The following VPS8 variants were observed in gnomAD, a reference collection of about 807,000 sequenced individuals.
VPS8 encodes vacuolar protein sorting-associated protein 8 homolog.
A neutral mutation model predicts 216.4 loss-of-function variants in VPS8; 129 were observed. The ratio of observed to expected loss-of-function variants is 0.60; its 90% confidence interval spans 0.52 to 0.69. VPS8 has a LOEUF of 0.69. Ranked by LOEUF, VPS8 falls within the 30% of genes least tolerant of loss-of-function variation. The probability of loss-of-function intolerance (pLI) is 0.00; values close to 1 mark genes in which losing one functional copy is unlikely to be tolerated. For synonymous variants in VPS8, 571 were observed against 565.4 expected (o/e 1.01, Z -0.14); for missense variants, 1,531 against 1,683.5 (o/e 0.91, Z 1.59).
At chr3:184,858,465 A>G (rs1053359991) in intron 14 of VPS8, among the ~76,000 whole-genome samples, 2 of 152,202 alleles carry the variant, frequency 1.3e-5, no homozygotes, top group African/African-American at 4.8e-5. Context: ...AATCATGCCA[A>G]TGCAGTCTTT....
At chr3:184,921,902 G>C (rs1190557150) in intron 29 of VPS8, among the ~76,000 whole-genome samples, 1 of 152,094 alleles carries the variant, frequency 6.6e-6, no homozygotes, top group Non-Finnish European at 1.5e-5. Context: ...GGGAAGACTA[G>C]ATGTTGGAGC....
intron 25 of VPS8, among the ~76,000 whole-genome samples, chr3:184,906,712 G>A (rs1301621936): frequency 1.3e-5 from 2 of 152,132 alleles, no homozygotes; most frequent in African/African-American, 2.4e-5. Context: ...AACTTGTAAA[G>A]GATCCTCTTT....
chr3:184,858,152 A>G (rs543768069), intron 14 of VPS8, among the ~76,000 whole-genome samples: 1 of 152,232 alleles, frequency 6.6e-6, no homozygotes, highest in East Asian at 1.9e-4. Flanking sequence ...TGTGCTTTAT[A>G]TTTCTTCAGT....
chr3:185,051,423 T>G (rs1206531888), intron 47 of VPS8, among the ~76,000 whole-genome samples: 1 of 152,024 alleles, frequency 6.6e-6, no homozygotes, highest in Non-Finnish European at 1.5e-5. Context: ...GAGCCAGTGG[T>G]CATAATTAGT....
chr3:185,015,475 T>C (rs139135639), intron 45 of VPS8, among the ~76,000 whole-genome samples: 1,655 of 152,306 alleles, frequency 0.011, 32 homozygotes, highest in African/African-American at 0.037. Flanking sequence ...AATACCTCAA[T>C]TACAGCTACA....
At chr3:184,885,496 A>C (rs1046262522) in intron 21 of VPS8, among the ~76,000 whole-genome samples, 1 of 152,250 alleles carries the variant, frequency 6.6e-6, no homozygotes, top group African/African-American at 2.4e-5. Context: ...GAAACTGAGA[A>C]GTTAAATCAA....
At chr3:184,997,697 A>T (rs1475202978) in intron 44 of VPS8, among the ~76,000 whole-genome samples, 1 of 152,210 alleles carries the variant, frequency 6.6e-6, no homozygotes, top group Non-Finnish European at 1.5e-5. Context: ...TGGGGGAAAA[A>T]ATGTTAAAGG....
intron 43 of VPS8, 78 bp downstream of exon 43, chr3:184,994,141 T>TA (rs1752299612): frequency 3.9e-4 from 404 of 1,039,468 alleles, no homozygotes; most frequent in Middle Eastern, 7.3e-4. Flanking sequence ...TACCTATACT[T>TA]AAAAAAAAAT....
chr3:184,943,356 G>A (rs1236507171), intron 36 of VPS8, among the ~76,000 whole-genome samples: 4 of 152,184 alleles, frequency 2.6e-5, no homozygotes, highest in African/African-American at 9.7e-5. Flanking sequence ...ACATGGATTG[G>A]TTTATATTAG....
At chr3:185,021,019 C>G (rs1239774555) in intron 45 of VPS8, among the ~76,000 whole-genome samples, 1 of 152,178 alleles carries the variant, frequency 6.6e-6, no homozygotes, top group Non-Finnish European at 1.5e-5. Context: ...TTGCAGTGAG[C>G]TGAGATCGTG....
chr3:185,051,297 A>C (rs6782830), intron 47 of VPS8, among the ~76,000 whole-genome samples: 2 of 151,644 alleles, frequency 1.3e-5, no homozygotes, highest in African/African-American at 4.8e-5. Context: ...GCTGGGAGCA[A>C]AGAGGACTCA....
intron 42 of VPS8, among the ~76,000 whole-genome samples, chr3:184,986,282 A>C (rs1226828100): frequency 1.3e-5 from 2 of 152,216 alleles, no homozygotes; most frequent in African/African-American, 2.4e-5. Flanking sequence ...GAAAGTTACA[A>C]GTTTTTTAAG....
chr3:184,983,329 G>A (rs193104980), intron 42 of VPS8, among the ~76,000 whole-genome samples: 23 of 152,162 alleles, frequency 1.5e-4, no homozygotes, highest in South Asian at 1.5e-3. Flanking sequence ...TAGGGCGTGC[G>A]GCCTTCAGAT....
In VPS8 at chr3:184,969,901, C is replaced by CTTT. The variant is rs755680287; in HGVS notation, c.3317-1724_3317-1722dup. On this transcript the variant is annotated intron_variant, in intron 39 of 47. Transcript: ENST00000625842. The stretch of plus-strand genomic sequence containing the variant: ...CTCATGCCTGCCATCTACTTTCTTA[C>CTTT]TTTTTTTTTTTTTTTTTTTTTTTTT... 9.5e-4 allele frequency among the ~76,000 whole-genome samples: 105 copies of CTTT among 110,228 alleles called. 8 individuals carry two copies. Among genetic ancestry groups the CTTT allele is most frequent in the African/African-American group, 2.9e-3 (78 of 27,316 alleles). 72.3% of individuals were successfully genotyped at this position (110,228 alleles called of 152,430 possible). A position where few individuals can be genotyped will look rare whatever the true frequency, so the allele number is the denominator to read the frequency against.
At position 185,042,261 on chromosome 3, in the gene VPS8, A is replaced by G. The variant is rs1711825904; in HGVS notation, c.4057-6218A>G. ...AGACTTTTGAGGTTTTTTTCTGGCA[A>G]GCTATTACTATTAAATCAGCCACGT... On this transcript the variant is annotated intron_variant, in intron 46 of 47. Coordinates refer to ENST00000625842, the MANE Select transcript of VPS8 (RefSeq NM_001009921.3). Among the ~76,000 whole-genome samples, 6 of 152,270 alleles carry G rather than the reference A, an allele frequency of 3.9e-5. No homozygotes were observed. The South Asian group carries it at 1.2e-3, about 32-fold the overall frequency.
chr3:185,032,866 A>T (rs1216582456), intron 46 of VPS8, among the ~76,000 whole-genome samples: 1 of 152,120 alleles, frequency 6.6e-6, no homozygotes, highest in Non-Finnish European at 1.5e-5. Context: ...ACGGGGTTTC[A>T]CCGAGTTAGC....
intron 10 of VPS8, among the ~76,000 whole-genome samples, chr3:184,850,616 G>A (rs558496430): frequency 6.6e-6 from 1 of 152,278 alleles, no homozygotes; most frequent in South Asian, 2.1e-4. Flanking sequence ...TTAGGTAACA[G>A]ATTTCATTTA....
chr3:184,873,797 A>G (rs1382290281), intron 21 of VPS8, among the ~76,000 whole-genome samples: 1 of 152,188 alleles, frequency 6.6e-6, no homozygotes, highest in Non-Finnish European at 1.5e-5. Context: ...GACCCAGTAG[A>G]ATTATAACCC....
Position 184,889,861 on chromosome 3 carries a change from G to T in VPS8, c.1781+3705G>T, listed in dbSNP as rs752753887. On this transcript the variant is annotated intron_variant, in intron 22 of 47. Coordinates refer to ENST00000625842, the MANE Select transcript of VPS8 (RefSeq NM_001009921.3). ...ATATGGGCCTGAACTTAGAAGGAAA[G>T]ATTGAATAAGCCGTTTGATCAACTT... Among the ~76,000 whole-genome samples, 37 of 152,262 alleles carry T rather than the reference G, an allele frequency of 2.4e-4. 1 individual carries two copies. Among genetic ancestry groups the T allele is most frequent in the African/African-American group, 8.4e-4 (35 of 41,544 alleles).
Sources: gnomAD v4.1 joint callset for allele counts (sites outside exome capture counted in the v4.1 genomes callset) on GRCh38, gnomAD v4.1.1 for gene constraint, MANE v1.5 for transcripts, NCBI Gene and HGNC (gene_info 2026-07-23, HGNC 2026-07-21) for gene names.